PCDH15: variants seen among roughly 807,000 people sequenced by gnomAD.
PCDH15 encodes the protein protocadherin related 15.
Under a neutral mutation model 178.5 loss-of-function variants are expected in PCDH15, and 129 were observed. The observed-to-expected ratio is 0.72, with a 90% confidence interval of 0.63 to 0.84. The LOEUF (loss-of-function observed/expected upper bound fraction) is 0.84. Ranked by LOEUF, PCDH15 falls within the 40% of genes least tolerant of loss-of-function variation. The pLI, the probability that PCDH15 is intolerant of heterozygous loss-of-function variation, is 0.00. For missense variants in PCDH15, 2,230 were observed against 2,099.9 expected, an observed-to-expected ratio of 1.06 and a Z score of -1.21; for synonymous variants, 800 against 732.0, an observed-to-expected ratio of 1.09 and a Z score of -1.50.
rs1190632706 is a variant in PCDH15, at chr10:54,612,265, AG to A, written c.91+51906del. On this transcript the variant is annotated intron_variant, in intron 2 of 37. Coordinates refer to ENST00000644397, the MANE Select transcript of PCDH15 (RefSeq NM_001384140.1). Reference sequence around the variant, plus strand: ...AGCACATTTTGTGCATAGTGAAATAAGGGACATATCTCTAAAGCTCTGTACA... The same window carrying A: ...AGCACATTTTGTGCATAGTGAAATAAGGACATATCTCTAAAGCTCTGTACA... 3.9e-5 allele frequency among the ~76,000 whole-genome samples: 6 copies of A among 151,994 alleles called. No homozygotes were observed. In the East Asian group the frequency reaches 1.2e-3, roughly 29 times the overall value.
intron 1 of PCDH15, among the ~76,000 whole-genome samples, chr10:54,711,730 T>C (rs2095429920): frequency 6.6e-6 from 1 of 150,626 alleles, no homozygotes; most frequent in African/African-American, 2.4e-5. Context: ...AGTTTATTCA[T>C]TCAACCTTAA....
intron 14 of PCDH15, among the ~76,000 whole-genome samples, chr10:54,134,710 G>A (rs867030306): frequency 3.6e-4 from 54 of 149,088 alleles, no homozygotes; most frequent in Middle Eastern, 6.9e-3. Flanking sequence ...CCAAGATTGC[G>A]CCACTGCACT....
At chr10:55,447,090 GAAT>G (rs1365296229) in intron 2 of PCDH15, among the ~76,000 whole-genome samples, 4 of 151,932 alleles carry the variant, frequency 2.6e-5, no homozygotes, top group African/African-American at 9.7e-5. Context: ...CAAACACAAT[GAAT>G]AATAATAATG....
chr10:54,582,219 C>T (rs1250239174), intron 2 of PCDH15, among the ~76,000 whole-genome samples: 1 of 152,012 alleles, frequency 6.6e-6, no homozygotes, highest in Non-Finnish European at 1.5e-5. Context: ...CTATAAAAAA[C>T]TTAAACAAAT....
intron 2 of PCDH15, among the ~76,000 whole-genome samples, chr10:55,004,811 T>C (rs910237935): frequency 1.3e-5 from 2 of 152,178 alleles, no homozygotes; most frequent in African/African-American, 4.8e-5. Flanking sequence ...TCTGGCATTT[T>C]GATAACATCA....
chr10:55,341,647 C>T (rs1192399152), intron 2 of PCDH15, among the ~76,000 whole-genome samples: 4 of 147,812 alleles, frequency 2.7e-5, no homozygotes, highest in Non-Finnish European at 4.5e-5. Flanking sequence ...TTGGCTTACT[C>T]CAACCACCCG....
chr10:53,826,017 T>TAAAC (rs1270962165), intron 32 of PCDH15, among the ~76,000 whole-genome samples: 2 of 151,686 alleles, frequency 1.3e-5, no homozygotes, highest in Admixed American at 1.3e-4. Context: ...ATTTCATATA[T>TAAAC]AAACACACAA....
At chr10:53,897,544 A>C (rs2082032755) in intron 26 of PCDH15, among the ~76,000 whole-genome samples, 1 of 152,214 alleles carries the variant, frequency 6.6e-6, no homozygotes, top group Non-Finnish European at 1.5e-5. Context: ...CGTAACACAA[A>C]AGTTAGCATT....
At chr10:54,225,414 G>T (rs1327052643) in intron 9 of PCDH15, among the ~76,000 whole-genome samples, 2 of 152,144 alleles carry the variant, frequency 1.3e-5, no homozygotes, top group Non-Finnish European at 2.9e-5. Context: ...TCACTAGCCA[G>T]TTCTCTACAC....
At chr10:54,552,039 T>G (rs2133198422) in intron 2 of PCDH15, among the ~76,000 whole-genome samples, 1 of 152,292 alleles carries the variant, frequency 6.6e-6, no homozygotes, top group Middle Eastern at 3.4e-3. Context: ...GAGCTTCCAC[T>G]AAATCATTTC....
intron 2 of PCDH15, among the ~76,000 whole-genome samples, chr10:55,502,626 A>G (rs886671392): frequency 9.2e-5 from 14 of 151,642 alleles, no homozygotes; most frequent in Non-Finnish European, 1.3e-4. Flanking sequence ...TTTCTGAGTC[A>G]AGGGATAGAG....
At position 53,924,202 on chromosome 10, in the gene PCDH15, C is replaced by T. The variant is rs1362406671; in HGVS notation, c.3373+14613G>A. On this transcript the variant is annotated intron_variant, in intron 25 of 37. Transcript: ENST00000644397. ...TGGAGGGAGAGGCGCAGGCGGGAAC[C>T]GGGGCTGCATGTGGCGCTCGCGAGC... is the stretch of plus-strand genomic sequence containing the variant. 3.3e-5 allele frequency among the ~76,000 whole-genome samples: 5 copies of T among 152,102 alleles called. No individual in the cohort carries two copies. The East Asian group carries it at 9.7e-4, about 29-fold the overall frequency.
At chr10:54,992,809 G>A (rs1667075973) in intron 2 of PCDH15, among the ~76,000 whole-genome samples, 2 of 151,658 alleles carry the variant, frequency 1.3e-5, no homozygotes, top group South Asian at 4.2e-4. Flanking sequence ...AATAATAGAT[G>A]GAGAGATTTC....
chr10:54,807,611 A>C (rs959212811), intron 3 of PCDH15, among the ~76,000 whole-genome samples: 1 of 150,884 alleles, frequency 6.6e-6, no homozygotes, highest in Admixed American at 6.6e-5. Context: ...TCCAGAGAAG[A>C]TTACCAAGCT....
chr10:54,035,851 A>G (rs749114315), intron 18 of PCDH15, among the ~76,000 whole-genome samples: 2 of 152,004 alleles, frequency 1.3e-5, no homozygotes, highest in Non-Finnish European at 2.9e-5. Flanking sequence ...CGCAATGGAA[A>G]AGATATTTCA....
intron 15 of PCDH15, among the ~76,000 whole-genome samples, chr10:54,096,267 C>G (rs186554479): frequency 1.4e-3 from 208 of 151,898 alleles, no homozygotes; most frequent in African/African-American, 4.8e-3. Flanking sequence ...TCCCAGTATC[C>G]CTTTTGATTG....
intron 3 of PCDH15, among the ~76,000 whole-genome samples, chr10:54,850,371 T>C (rs776428705): frequency 1.2e-4 from 19 of 152,108 alleles, no homozygotes; most frequent in South Asian, 4.1e-4. Flanking sequence ...ATTTGTGAGA[T>C]TTTGGTGTAC....
intron 3 of PCDH15, among the ~76,000 whole-genome samples, chr10:54,464,037 TGGC>T (rs2136527481): frequency 6.6e-6 from 1 of 152,180 alleles, no homozygotes; most frequent in Non-Finnish European, 1.5e-5. Flanking sequence ...CAGGGGTTTG[TGGC>T]GGTTTAGGAA....
intron 2 of PCDH15, among the ~76,000 whole-genome samples, chr10:54,907,625 T>C (rs534550262): frequency 6.6e-6 from 1 of 152,256 alleles, no homozygotes; most frequent in African/African-American, 2.4e-5. Context: ...CTCATTCCTA[T>C]AAATACAATG....
Sources: gnomAD v4.1 joint callset for allele counts (sites outside exome capture counted in the v4.1 genomes callset) on GRCh38, gnomAD v4.1.1 for gene constraint, MANE v1.5 for transcripts, NCBI Gene and HGNC (gene_info 2026-07-23, HGNC 2026-07-21) for gene names.